The following CSMD3 variants were observed in gnomAD, a reference collection of about 807,000 sequenced individuals.
CSMD3 encodes the protein CUB and Sushi multiple domains 3.
CSMD3 carries 177 observed loss-of-function variants against 435.2 expected under a neutral mutation model. The observed-to-expected ratio is 0.41, with a 90% CI of 0.36 to 0.46. The LOEUF (loss-of-function observed/expected upper bound fraction) is 0.46. Ranked by LOEUF, CSMD3 falls within the 20% of genes least tolerant of loss-of-function variation. The probability of loss-of-function intolerance (pLI) is 0.34; values close to 1 mark genes in which losing one functional copy is unlikely to be tolerated. For missense variants in CSMD3, 4,265 were observed against 4,504.6 expected (o/e 0.95, Z 1.52); for synonymous variants, 1,656 against 1,520.5 (o/e 1.09, Z -2.07).
At chr8:113,266,543 C>T (rs778730952) in intron 3 of CSMD3, among the ~76,000 whole-genome samples, 1 of 151,382 alleles carries the variant, frequency 6.6e-6, no homozygotes. Flanking sequence ...ATAGTAAGTG[C>T]TTCGTTAAAT....
intron 6 of CSMD3, among the ~76,000 whole-genome samples, chr8:112,985,979 C>T (rs1021323051): frequency 2.0e-5 from 3 of 151,852 alleles, no homozygotes; most frequent in African/African-American, 7.2e-5. Flanking sequence ...CCATCCCCAC[C>T]CCCGATCTGT....
chr8:112,549,701 T>A (rs188240685), intron 27 of CSMD3, among the ~76,000 whole-genome samples: 1 of 152,170 alleles, frequency 6.6e-6, no homozygotes, highest in Non-Finnish European at 1.5e-5. Context: ...ATCTACTCAA[T>A]ACCAAATACT....
rs2129721328 is a variant in CSMD3, at chr8:112,390,685, C to T, written c.5913G>A (p.Val1971=). 6.2e-7 allele frequency: 1 copy of T among 1,613,506 alleles called. No individual in the cohort carries two copies. Among genetic ancestry groups the T allele is most frequent in the Non-Finnish European group, 8.5e-7 (1 of 1,179,434 alleles). ...NNLNCVWKIT[V]PEGAGIQVQV... ...TTACTTGAATGCCAGCTCCCTCTGG[C>T]ACTGTGATCTTCCACACACAATTCA... Residue 1971 remains valine (V), a synonymous_variant, in exon 36 of 71, where the codon GTG becomes GTA. Transcript: ENST00000297405.
Position 112,682,460 on chromosome 8 carries a change from G to A in CSMD3, c.2659C>T (p.Leu887=). Residue 887 remains leucine, a synonymous_variant, in exon 16 of 71, where the codon CTG becomes TTG. Coordinates refer to ENST00000297405, the MANE Select transcript of CSMD3 (RefSeq NM_198123.2). The stretch of plus-strand genomic sequence containing the variant: ...CACTTACCTCCACATTTTGGAATCA[G>A]TCCACTCCACATTACTTTTCCATCC... ...LMDGKVMWSG[L]IPKCGAPCGG... 6.2e-7 allele frequency: 1 copy of A among 1,611,900 alleles called. No homozygotes were observed. Among genetic ancestry groups the A allele is most frequent in the Non-Finnish European group, 8.5e-7 (1 of 1,179,528 alleles).
At chr8:112,669,715 G>A (rs13271162) in intron 16 of CSMD3, among the ~76,000 whole-genome samples, 118,405 of 152,082 alleles carry the variant, frequency 0.78, 46,643 homozygotes, top group African/African-American at 0.88. Context: ...GTTCTTCGAC[G>A]TACCATTGTC....
chr8:112,362,402 A>T (rs1045205769), intron 38 of CSMD3, among the ~76,000 whole-genome samples: 1 of 152,002 alleles, frequency 6.6e-6, no homozygotes, highest in African/African-American at 2.4e-5. Context: ...TGCTTACTGT[A>T]ACTGATATTT....
intron 38 of CSMD3, among the ~76,000 whole-genome samples, chr8:112,362,843 G>A (rs1240977412): frequency 1.3e-5 from 2 of 151,932 alleles, no homozygotes; most frequent in Non-Finnish European, 2.9e-5. Flanking sequence ...ATGGTGTTCT[G>A]ACACAGAAAG....
At chr8:113,080,360 G>A (rs959109235) in intron 5 of CSMD3, among the ~76,000 whole-genome samples, 1 of 152,106 alleles carries the variant, frequency 6.6e-6, no homozygotes, top group African/African-American at 2.4e-5. Flanking sequence ...CCTTGTGGAT[G>A]TAACTACTGA....
intron 32 of CSMD3, among the ~76,000 whole-genome samples, chr8:112,425,057 A>G (rs957505866): frequency 1.3e-5 from 2 of 152,216 alleles, no homozygotes; most frequent in African/African-American, 4.8e-5. Flanking sequence ...ATAAGTAACT[A>G]CATTTTACTT....
At chr8:113,073,625 C>T (rs1302530790) in intron 5 of CSMD3, among the ~76,000 whole-genome samples, 1 of 151,746 alleles carries the variant, frequency 6.6e-6, no homozygotes, top group African/African-American at 2.4e-5. Flanking sequence ...GTGTCTCATG[C>T]TTTCTCCTGA....
chr8:112,336,151 G>A (rs1824537407), intron 44 of CSMD3, among the ~76,000 whole-genome samples: 1 of 152,020 alleles, frequency 6.6e-6, no homozygotes, highest in Non-Finnish European at 1.5e-5. Flanking sequence ...ATGAAGTGAT[G>A]CTCCCACTGT....
chr8:113,342,041 G>C (rs569271860), intron 1 of CSMD3, among the ~76,000 whole-genome samples: 1 of 150,248 alleles, frequency 6.7e-6, no homozygotes, highest in South Asian at 2.1e-4. Flanking sequence ...CAAACTCGTA[G>C]AATAGCCAAA....
chr8:112,370,609 T>C (rs4556111), intron 38 of CSMD3, among the ~76,000 whole-genome samples: 94,060 of 151,970 alleles, frequency 0.62, 30,313 homozygotes, highest in African/African-American at 0.8. Flanking sequence ...ACCAGTAAGG[T>C]TTATTCCTGC....
chr8:112,678,797 A>G (rs557254976), intron 16 of CSMD3, among the ~76,000 whole-genome samples: 19 of 152,276 alleles, frequency 1.2e-4, no homozygotes, highest in African/African-American at 4.6e-4. Flanking sequence ...GAAAATACCA[A>G]CATGTACCTT....
At chr8:112,457,373 C>CAAG in intron 32 of CSMD3, among the ~76,000 whole-genome samples, 1 of 152,008 alleles carries the variant, frequency 6.6e-6, no homozygotes, top group Non-Finnish European at 1.5e-5. Context: ...TAAGCCTGTA[C>CAAG]AATTTTATCA....
chr8:112,407,185 A>T (rs1213592572), intron 34 of CSMD3, among the ~76,000 whole-genome samples: 1 of 151,898 alleles, frequency 6.6e-6, no homozygotes, highest in African/African-American at 2.4e-5. Flanking sequence ...ACAGTACTTT[A>T]TTAGTTTCAT....
chr8:112,435,372 G>A (rs1459241820), intron 32 of CSMD3, among the ~76,000 whole-genome samples: 3 of 151,558 alleles, frequency 2.0e-5, no homozygotes. Context: ...TTTCATACAT[G>A]AGACAATTGA....
chr8:113,371,206 T>C (rs1241282290), intron 1 of CSMD3, among the ~76,000 whole-genome samples: 4 of 152,132 alleles, frequency 2.6e-5, no homozygotes, highest in African/African-American at 9.7e-5. Context: ...TCAGTCGTAT[T>C]ACTTAACTAC....
At chr8:112,410,458 G>T (rs1018146083) in intron 32 of CSMD3, among the ~76,000 whole-genome samples, 1 of 142,120 alleles carries the variant, frequency 7.0e-6, no homozygotes, top group African/African-American at 2.6e-5. Context: ...TCCCAAATTT[G>T]TTCCACCAAA....
Sources: gnomAD v4.1 joint callset for allele counts (sites outside exome capture counted in the v4.1 genomes callset) on GRCh38, gnomAD v4.1.1 for gene constraint, MANE v1.5 for transcripts, NCBI Gene and HGNC (gene_info 2026-07-23, HGNC 2026-07-21) for gene names.